Variants in FANCA observed in about 807,000 individuals in gnomAD.
FANCA encodes FA complementation group A, also known as Fanconi anemia group A protein.
A neutral mutation model predicts 194.3 loss-of-function variants in FANCA; 236 were observed. That is an observed-to-expected ratio of 1.21 (90% confidence interval 1.09 to 1.35). FANCA has a LOEUF of 1.35. Ranked by LOEUF, FANCA falls within the 40% of genes most tolerant of loss-of-function variation. FANCA has a pLI of 0.00. For synonymous variants in FANCA, 1,014 were observed against 715.8 expected (o/e 1.42, Z -6.65); for missense variants, 2,628 against 1,813.9 (o/e 1.45, Z -8.15).
intron 36 of FANCA, among the ~76,000 whole-genome samples, chr16:89,743,342 G>A (rs1274776843): frequency 6.6e-6 from 1 of 152,246 alleles, no homozygotes; most frequent in Non-Finnish European, 1.5e-5. Flanking sequence ...TGGCCCCAGT[G>A]TGGTGTCTGA....
chr16:89,756,446 T>G (rs575025549), intron 30 of FANCA, among the ~76,000 whole-genome samples: 1 of 152,190 alleles, frequency 6.6e-6, no homozygotes, highest in South Asian at 2.1e-4. Flanking sequence ...CTGGCCAACA[T>G]GGTGAAACCC....
At chr16:89,742,213 G>T (rs947364465) in intron 37 of FANCA, among the ~76,000 whole-genome samples, 1 of 152,070 alleles carries the variant, frequency 6.6e-6, no homozygotes, top group Non-Finnish European at 1.5e-5. Context: ...CTGACACCAA[G>T]TGATCCGCCT....
intron 26 of FANCA, 95 bp downstream of exon 26, chr16:89,769,742 T>C: frequency 1.4e-6 from 2 of 1,398,406 alleles, no homozygotes; most frequent in Non-Finnish European, 2.0e-6. Flanking sequence ...TTGGGTGGTA[T>C]GTCTGCATGT....
At chr16:89,742,191 G>A (rs2062149820) in intron 37 of FANCA, among the ~76,000 whole-genome samples, 1 of 151,970 alleles carries the variant, frequency 6.6e-6, no homozygotes, top group African/African-American at 2.4e-5. Context: ...TGCCCAAGCT[G>A]GTCTCAAACT....
At chr16:89,801,343 CA>C (rs60802306) in intron 8 of FANCA, among the ~76,000 whole-genome samples, 44,417 of 100,214 alleles carry the variant, frequency 0.44, 7,678 homozygotes, top group East Asian at 0.9. Flanking sequence ...GACTCTGTCT[CA>C]AAAAAAAAAA....
chr16:89,759,851 G>A (rs1419197945), intron 29 of FANCA, among the ~76,000 whole-genome samples: 1 of 152,192 alleles, frequency 6.6e-6, no homozygotes, highest in Non-Finnish European at 1.5e-5. Flanking sequence ...CGCTCCACAC[G>A]ACCCTGCAAA....
At chr16:89,815,366 T>G (rs1024586086) in intron 2 of FANCA, among the ~76,000 whole-genome samples, 10 of 87,622 alleles carry the variant, frequency 1.1e-4, no homozygotes, top group Non-Finnish European at 2.0e-4. Context: ...TTTTTTTTTT[T>G]GTGAGACAGT....
chr16:89,772,277 C>G (rs7190403), intron 22 of FANCA, among the ~76,000 whole-genome samples: 18,330 of 152,278 alleles, frequency 0.12, 1,424 homozygotes, highest in Middle Eastern at 0.29. Flanking sequence ...AGCACTGGAA[C>G]TTTTCCTCCA....
In FANCA at chr16:89,783,117, C is replaced by G; in HGVS notation, c.1471-15G>C. 6.3e-7 allele frequency: 1 copy of G among 1,590,516 alleles called. No homozygotes were observed. The highest frequency in any genetic ancestry group is 8.6e-7 in the Non-Finnish European group (1 of 1,159,402). On this transcript the variant is annotated splice_polypyrimidine_tract_variant and intron_variant, in intron 15 of 42. Transcript: ENST00000389301. ...AGAATGTGCACCTGAGGATAGATAG[C>G]AGAGCGCAGCACCGTTAGTCTGGGA...
At chr16:89,744,862 G>GC in intron 36 of FANCA, 97 bp downstream of exon 36, 1 of 1,128,620 alleles carries the variant, frequency 8.9e-7, no homozygotes, top group Non-Finnish European at 1.3e-6. Context: ...TGCCCACACC[G>GC]CTTCTCTCAA....
chr16:89,756,844 C>T (rs951070498), intron 30 of FANCA, among the ~76,000 whole-genome samples: 1 of 152,126 alleles, frequency 6.6e-6, no homozygotes, highest in Admixed American at 6.6e-5. Flanking sequence ...TCTCAGGCAG[C>T]CTAGAGAGAC....
Position 89,748,775 on chromosome 16 carries a change from G to T in FANCA, c.3240-8C>A. ...GGCAGGCGGAGGAGGATCCTGGAAA[G>T]AAGGGGCTGTATTGGTGGCGACAGC... On this transcript the variant is annotated splice_polypyrimidine_tract_variant and splice_region_variant and intron_variant, in intron 32 of 42. Transcript: ENST00000389301. 2 of 1,612,460 alleles carry T rather than the reference G, an allele frequency of 1.2e-6. No individual in the cohort carries two copies. Among genetic ancestry groups the T allele is most frequent in the East Asian group, 2.2e-5 (1 of 44,862 alleles).
rs778980817 is a variant in FANCA, at chr16:89,782,847, A to G, written c.1626+12T>C. ...GACTGGCTGAGACCCTGCAGGGCTCAAGCAACATTACCTCAGTAATGTCCC... is the reference window on the plus strand; with the variant it reads ...GACTGGCTGAGACCCTGCAGGGCTCGAGCAACATTACCTCAGTAATGTCCC... On this transcript the variant is annotated intron_variant, in intron 17 of 42. Transcript: ENST00000389301. 1 of 1,612,258 alleles carries G rather than the reference A, an allele frequency of 6.2e-7. No homozygotes were observed. The highest frequency in any genetic ancestry group is 8.5e-7 in the Non-Finnish European group (1 of 1,178,270).
Position 89,776,159 on chromosome 16 carries a change from CTTTTTTTTTTTTTTT to C in FANCA, c.1827-359_1827-345del, listed in dbSNP as rs3069458. ...ATTCAAAACACGAATCTTTGTTTTTCTTTTTTTTTTTTTTTTTTTTTTTTTTGAGACAGAGTCTCC... is the reference window on the plus strand; with the variant it reads ...ATTCAAAACACGAATCTTTGTTTTTCTTTTTTTTTTTGAGACAGAGTCTCC... On this transcript the variant is annotated intron_variant, in intron 20 of 42. Transcript: ENST00000389301. Among the ~76,000 whole-genome samples the C allele has an allele frequency of 5.4e-5, 5 of 93,310 alleles. No individual in the cohort carries two copies. The South Asian group carries it at 2.0e-3, about 37-fold the overall frequency. 61.2% of individuals were successfully genotyped at this position (93,310 alleles called of 152,430 possible).
chr16:89,769,813 C>T (rs755988941), intron 26 of FANCA, 24 bp downstream of exon 26: 45 of 1,612,772 alleles, frequency 2.8e-5, no homozygotes, highest in Non-Finnish European at 3.5e-5. Flanking sequence ...GGAGAGAAGA[C>T]GCGACTGTGG....
intron 16 of FANCA, 30 bp downstream of exon 16, chr16:89,782,977 G>T (rs748584649): frequency 1.2e-6 from 2 of 1,611,786 alleles, no homozygotes; most frequent in Non-Finnish European, 1.7e-6. Flanking sequence ...TGGGACAGGT[G>T]TGAGGAGTGG....
chr16:89,752,757 G>C (rs1291593887), intron 30 of FANCA, among the ~76,000 whole-genome samples: 4 of 152,246 alleles, frequency 2.6e-5, no homozygotes, highest in African/African-American at 9.6e-5. Context: ...AGGGCCACCA[G>C]AGGGCTCCTT....
intron 2 of FANCA, among the ~76,000 whole-genome samples, chr16:89,815,488 T>C (rs539982540): frequency 1.1e-4 from 17 of 151,618 alleles, no homozygotes; most frequent in Non-Finnish European, 2.5e-4. Context: ...CCCGAGTAGC[T>C]GGGATTAAAG....
At chr16:89,751,770 C>CT (rs35187435) in intron 31 of FANCA, among the ~76,000 whole-genome samples, 22,511 of 144,830 alleles carry the variant, frequency 0.16, 2,005 homozygotes, top group Middle Eastern at 0.26. Flanking sequence ...CAATAAATAT[C>CT]TTTTTTTTTT....
Sources: gnomAD v4.1 joint callset for allele counts (sites outside exome capture counted in the v4.1 genomes callset) on GRCh38, gnomAD v4.1.1 for gene constraint, MANE v1.5 for transcripts, NCBI Gene and HGNC (gene_info 2026-07-23, HGNC 2026-07-21) for gene names.